Variants in ADORA2B observed in about 807,000 individuals in gnomAD.
ADORA2B encodes adenosine A2b receptor.
ADORA2B carries 18 observed loss-of-function variants against 20.8 expected under a neutral mutation model. The observed-to-expected ratio is 0.87, with a 90% CI of 0.60 to 1.29. The LOEUF is 1.29. Among genes scored for constraint, ADORA2B ranks in the 50% most tolerant of loss-of-function variants. The probability of loss-of-function intolerance (pLI) is 0.00; values close to 1 mark genes in which losing one functional copy is unlikely to be tolerated. For synonymous variants in ADORA2B, 179 were observed against 178.3 expected (o/e 1.00, Z -0.03); for missense variants, 441 against 422.7 (o/e 1.04, Z -0.38).
At chr17:15,900,269 T>A in the ADORA2B span, among the ~76,000 whole-genome samples, 1 of 152,158 alleles carries the variant, frequency 6.6e-6, no homozygotes, top group Non-Finnish European at 1.5e-5. Flanking sequence ...GTTGGATATA[T>A]ACCCAGTAAT....
chr17:15,919,256 G>T, the ADORA2B span, among the ~76,000 whole-genome samples: 2 of 152,078 alleles, frequency 1.3e-5, no homozygotes, highest in Non-Finnish European at 2.9e-5. Flanking sequence ...AACCAATTTG[G>T]ATTATTTGAC....
At chr17:15,868,600 G>A in the ADORA2B span, among the ~76,000 whole-genome samples, 1,519 of 120,700 alleles carry the variant, frequency 0.013, 133 homozygotes, top group African/African-American at 0.042. Context: ...GTGAAACCCC[G>A]TTCTCTACTA....
chr17:15,899,348 G>A, the ADORA2B span, among the ~76,000 whole-genome samples: 1 of 152,194 alleles, frequency 6.6e-6, no homozygotes, highest in South Asian at 2.1e-4. Flanking sequence ...GTTAGATTAT[G>A]CAGGGAAAAT....
intron 1 of ADORA2B, chr17:15,973,866 A>T (rs1173849297): frequency 6.6e-6 from 1 of 152,214 alleles, no homozygotes; most frequent in Non-Finnish European, 1.5e-5. Context: ...GATGCACTGT[A>T]TAACAAAGCC....
chr17:15,950,800 C>T (rs975831940), intron 1 of ADORA2B, among the ~76,000 whole-genome samples: 6 of 152,200 alleles, frequency 3.9e-5, no homozygotes, highest in East Asian at 1.9e-4. Context: ...TCACTCACCA[C>T]GGCCAAGTTA....
the ADORA2B span, among the ~76,000 whole-genome samples, chr17:15,899,858 A>T: frequency 6.7e-6 from 1 of 148,884 alleles, no homozygotes; most frequent in East Asian, 2.0e-4. Flanking sequence ...TTTGAGACAG[A>T]GTCTCTCTCT....
the ADORA2B span, among the ~76,000 whole-genome samples, chr17:15,859,264 A>G: frequency 1.3e-5 from 2 of 152,118 alleles, no homozygotes; most frequent in African/African-American, 4.8e-5. Flanking sequence ...TTACTGTAAT[A>G]AAGGATCACA....
the ADORA2B span, among the ~76,000 whole-genome samples, chr17:15,863,853 A>G: frequency 1.4e-3 from 213 of 152,350 alleles, no homozygotes; most frequent in African/African-American, 5.0e-3. Flanking sequence ...CAGACTCATG[A>G]CAGTCAGGAG....
At chr17:15,912,788 G>GTATT in the ADORA2B span, among the ~76,000 whole-genome samples, 1 of 152,190 alleles carries the variant, frequency 6.6e-6, no homozygotes, top group Non-Finnish European at 1.5e-5. Flanking sequence ...GATCTCTTCC[G>GTATT]TATTTGCCAC....
At chr17:15,954,936 G>T (rs1032451087) in intron 1 of ADORA2B, among the ~76,000 whole-genome samples, 4 of 152,054 alleles carry the variant, frequency 2.6e-5, no homozygotes, top group Non-Finnish European at 5.9e-5. Context: ...GGGAACCTTT[G>T]GGATCATTTG....
the ADORA2B span, among the ~76,000 whole-genome samples, chr17:15,856,635 A>T: frequency 2.7e-3 from 410 of 152,378 alleles, 4 homozygotes; most frequent in African/African-American, 9.5e-3. Context: ...GATGTGGAAA[A>T]TGAAGTCCAG....
the ADORA2B span, among the ~76,000 whole-genome samples, chr17:15,932,123 G>T: frequency 2.6e-5 from 4 of 152,096 alleles, no homozygotes; most frequent in African/African-American, 9.7e-5. Flanking sequence ...GCCCTTTGAT[G>T]TACAAAAGTT....
the ADORA2B span, among the ~76,000 whole-genome samples, chr17:15,853,827 G>A: frequency 1.3e-5 from 2 of 152,084 alleles, no homozygotes; most frequent in Admixed American, 6.5e-5. Flanking sequence ...GTGTATCTTC[G>A]ATACCTAATT....
At chr17:15,959,818 T>G (rs1261002517) in intron 1 of ADORA2B, among the ~76,000 whole-genome samples, 4 of 152,196 alleles carry the variant, frequency 2.6e-5, no homozygotes, top group African/African-American at 9.6e-5. Flanking sequence ...GAAATTGTAA[T>G]AGGTGCCACA....
At chr17:15,914,893 C>T in the ADORA2B span, among the ~76,000 whole-genome samples, 1 of 152,330 alleles carries the variant, frequency 6.6e-6, no homozygotes, top group South Asian at 2.1e-4. Context: ...CAACTCTCCT[C>T]AAAGTTCAGG....
At chr17:15,958,528 A>G (rs1004714325) in intron 1 of ADORA2B, among the ~76,000 whole-genome samples, 1 of 152,112 alleles carries the variant, frequency 6.6e-6, no homozygotes, top group African/African-American at 2.4e-5. Flanking sequence ...TTAGGATGTC[A>G]TCCCAGATCT....
At chr17:15,952,196 A>G (rs1003476262) in intron 1 of ADORA2B, among the ~76,000 whole-genome samples, 2 of 151,904 alleles carry the variant, frequency 1.3e-5, no homozygotes, top group Non-Finnish European at 2.9e-5. Context: ...CACTCTTCTC[A>G]TTTGTCAGTT....
intron 1 of ADORA2B, among the ~76,000 whole-genome samples, chr17:15,963,240 A>G (rs1031123873): frequency 6.6e-6 from 1 of 152,230 alleles, no homozygotes; most frequent in African/African-American, 2.4e-5. Context: ...TCAGGCAAGA[A>G]TCATCAATAG....
chr17:15,948,045 G>A (rs1969832326), intron 1 of ADORA2B, among the ~76,000 whole-genome samples: 2 of 152,142 alleles, frequency 1.3e-5, no homozygotes, highest in African/African-American at 4.8e-5. Context: ...CTGTTTGGGA[G>A]GAGGTGTGTC....
Sources: gnomAD v4.1 joint callset for allele counts (sites outside exome capture counted in the v4.1 genomes callset) on GRCh38, gnomAD v4.1.1 for gene constraint, MANE v1.5 for transcripts, NCBI Gene and HGNC (gene_info 2026-07-23, HGNC 2026-07-21) for gene names.